Variants in FBLN1 observed in about 807,000 individuals in gnomAD.
The protein encoded by FBLN1 is fibulin 1, also known as fibulin-1.
FBLN1 carries 34 observed loss-of-function variants against 89.7 expected under a neutral mutation model. That is an observed-to-expected ratio of 0.38 (90% CI 0.29 to 0.50). FBLN1 has a LOEUF of 0.50. FBLN1 is among the 20% of genes least tolerant of loss of function. FBLN1 has a pLI of 0.92. For synonymous variants in FBLN1, 393 were observed against 391.3 expected (o/e 1.00, Z -0.05); for missense variants, 777 against 988.1 (o/e 0.79, Z 2.86).
In FBLN1 at chr22:45,563,535, C is replaced by T. The variant is rs1441608728; in HGVS notation, c.1698-10976C>T. Among the ~76,000 whole-genome samples, 5 of 152,288 alleles carry T rather than the reference C, an allele frequency of 3.3e-5. 1 individual carries two copies. In the South Asian group the frequency reaches 8.3e-4, roughly 25 times the overall value. On this transcript the variant is annotated intron_variant, in intron 14 of 16. Transcript: ENST00000327858. The surrounding 1 kb of genome is among the most constrained non-coding windows in gnomAD (Gnocchi z 5.7). ...TGTTCACAGAGCCCACTGTCTGTGC[C>T]GACAGGGAGGCCAGGCCGGGTACAT...
intron 1 of FBLN1, among the ~76,000 whole-genome samples, chr22:45,517,913 G>A (rs979795138): frequency 2.0e-5 from 3 of 152,006 alleles, no homozygotes; most frequent in Non-Finnish European, 2.9e-5. Flanking sequence ...GGCCAATCAC[G>A]CAAGTTCAGG....
At chr22:45,547,026 C>T in intron 11 of FBLN1, 59 bp from the exon 12 acceptor site, 1 of 1,612,260 alleles carries the variant, frequency 6.2e-7, no homozygotes, top group South Asian at 1.1e-5. Context: ...ACCCTGAGGG[C>T]TACTGTGGAG....
chr22:45,568,635 GC>G (rs2088922873), intron 14 of FBLN1, among the ~76,000 whole-genome samples: 1 of 104,648 alleles, frequency 9.6e-6, no homozygotes, highest in African/African-American at 3.9e-5. Flanking sequence ...GTAAGGGAAT[GC>G]CTCTTCTGTG....
rs894244078 is a variant in FBLN1, at chr22:45,531,701, C to T, written c.544+377C>T. Among the ~76,000 whole-genome samples the T allele has an allele frequency of 1.3e-5, 2 of 152,234 alleles. No individual in the cohort carries two copies. The highest frequency in any genetic ancestry group is 4.8e-5 in the African/African-American group (2 of 41,476). On this transcript the variant is annotated intron_variant, in intron 5 of 16. Coordinates refer to ENST00000327858, the MANE Select transcript of FBLN1 (RefSeq NM_006486.3). The surrounding 1 kb of genome is among the most constrained non-coding windows in gnomAD (Gnocchi z 4.9). ...CTCCCAGCTCCTCCTTCCCTTTCCCCTTCCAGATCTAGGGCTGGCTGGGGA... is the reference window on the plus strand; with the variant it reads ...CTCCCAGCTCCTCCTTCCCTTTCCCTTTCCAGATCTAGGGCTGGCTGGGGA...
chr22:45,586,258 A>G (rs73444988), intron 16 of FBLN1, among the ~76,000 whole-genome samples: 8,500 of 152,284 alleles, frequency 0.056, 768 homozygotes, highest in African/African-American at 0.19. Flanking sequence ...TTTCCAGCCC[A>G]GGACCTGGCT....
At chr22:45,524,770 A>G (rs890184181) in intron 2 of FBLN1, among the ~76,000 whole-genome samples, 2 of 152,132 alleles carry the variant, frequency 1.3e-5, no homozygotes, top group Admixed American at 6.6e-5. Context: ...CAGACACCAT[A>G]CTACATTCTG....
chr22:45,530,669 T>C lies in FBLN1; in HGVS notation c.485-596T>C, dbSNP rs2088393088. ...GGTTGTTAGCAAGGCTGTGACTGCA[T>C]TTGCTGAGATGGTCAAGTAATTTGG... On this transcript the variant is annotated intron_variant, in intron 4 of 16. Coordinates refer to ENST00000327858, the MANE Select transcript of FBLN1 (RefSeq NM_006486.3). The surrounding 1 kb of genome is among the most constrained non-coding windows in gnomAD (Gnocchi z 5.4). Among the ~76,000 whole-genome samples the C allele has an allele frequency of 6.6e-6, 1 of 152,214 alleles. No homozygotes were observed. The highest frequency in any genetic ancestry group is 1.5e-5 in the Non-Finnish European group (1 of 68,030).
chr22:45,600,247 A>T, intron 16 of FBLN1, 60 bp from the exon 17 acceptor site: 1 of 1,609,002 alleles, frequency 6.2e-7, no homozygotes, highest in South Asian at 1.1e-5. Context: ...ACCATTTCCC[A>T]GATCTCTACG....
In FBLN1 at chr22:45,569,450, T is replaced by G. The variant is rs934715758; in HGVS notation, c.1698-5061T>G. On this transcript the variant is annotated intron_variant, in intron 14 of 16. Coordinates refer to ENST00000327858, the MANE Select transcript of FBLN1 (RefSeq NM_006486.3). ...GGTCAAGAGTTCGAGACCAGCCTGG[T>G]CCACATGGTGAAACCACACCTCTAC... Among the ~76,000 whole-genome samples, 3 of 151,962 alleles carry G rather than the reference T, an allele frequency of 2.0e-5. No homozygotes were observed. The East Asian group carries it at 5.8e-4, about 29-fold the overall frequency.
At chr22:45,518,097 A>G (rs1276596354) in intron 1 of FBLN1, among the ~76,000 whole-genome samples, 2 of 141,226 alleles carry the variant, frequency 1.4e-5, no homozygotes, top group East Asian at 2.1e-4. Flanking sequence ...GCGCCATTGC[A>G]CTCCAGCCTG....
chr22:45,513,509 C>T (rs1003952153), intron 1 of FBLN1, among the ~76,000 whole-genome samples: 5 of 151,608 alleles, frequency 3.3e-5, no homozygotes, highest in African/African-American at 9.7e-5. Context: ...CCACTGCGCC[C>T]GGCCCATTTT....
rs553822058 is a variant in FBLN1 at position 45,512,605 on chromosome 22, C to A, written c.80-6077C>A. ...CTGGTGTTTGGATATCCACAGGTGA[C>A]CGGATCCCCAGGCAAATGAGCAGCT... is the stretch of plus-strand genomic sequence containing the variant. On this transcript the variant is annotated intron_variant, in intron 1 of 16. Coordinates refer to ENST00000327858, the MANE Select transcript of FBLN1 (RefSeq NM_006486.3). Among the ~76,000 whole-genome samples, 25 of 152,246 alleles carry A rather than the reference C, an allele frequency of 1.6e-4. No individual in the cohort carries two copies. In the Middle Eastern group the frequency reaches 0.017, roughly 104 times the overall value.
intron 3 of FBLN1, among the ~76,000 whole-genome samples, chr22:45,526,725 G>A (rs2088333837): frequency 6.6e-6 from 1 of 152,242 alleles, no homozygotes; most frequent in Admixed American, 6.5e-5. Context: ...CTTGGCCTGT[G>A]TGGGCTTTCA....
intron 14 of FBLN1, among the ~76,000 whole-genome samples, chr22:45,553,401 G>A (rs899044343): frequency 6.6e-6 from 1 of 152,202 alleles, no homozygotes; most frequent in African/African-American, 2.4e-5. Context: ...GGGACGGGGC[G>A]GGCTCGCCTA....
chr22:45,506,897 T>C (rs2088028901), intron 1 of FBLN1, among the ~76,000 whole-genome samples: 1 of 152,238 alleles, frequency 6.6e-6, no homozygotes, highest in South Asian at 2.1e-4. Context: ...CATGTAGTTA[T>C]TTTGCCAGCA....
chr22:45,542,940 C>G (rs1278273944), intron 10 of FBLN1, among the ~76,000 whole-genome samples: 1 of 152,230 alleles, frequency 6.6e-6, no homozygotes, highest in Non-Finnish European at 1.5e-5. Context: ...CCCGCATGCT[C>G]GGGACAAGTC....
chr22:45,569,610 G>T lies in FBLN1; in HGVS notation c.1698-4901G>T, dbSNP rs911090602. ...GCCGAGATCATGCCACTGTACTCCA[G>T]CCTGGGTGACAGGGCAAGACTCTGT... On this transcript the variant is annotated intron_variant, in intron 14 of 16. Coordinates refer to ENST00000327858, the MANE Select transcript of FBLN1 (RefSeq NM_006486.3). 2.6e-5 allele frequency among the ~76,000 whole-genome samples: 4 copies of T among 151,966 alleles called. No homozygotes were observed. The South Asian group carries it at 8.3e-4, about 31-fold the overall frequency.
At chr22:45,585,896 T>C (rs1601540201) in intron 16 of FBLN1, among the ~76,000 whole-genome samples, 1 of 152,146 alleles carries the variant, frequency 6.6e-6, no homozygotes, top group South Asian at 2.1e-4. Flanking sequence ...CAGCTGCTGT[T>C]ATCCCTCCTT....
intron 14 of FBLN1, among the ~76,000 whole-genome samples, chr22:45,573,224 C>CAAATAAAT (rs531457672): frequency 1.3e-5 from 2 of 150,838 alleles, no homozygotes; most frequent in African/African-American, 2.4e-5. Flanking sequence ...AACTCCGTCT[C>CAAATAAAT]AAATAAATAA....
Sources: allele counts gnomAD v4.1 joint callset (sites outside exome capture counted in the v4.1 genomes callset), GRCh38; gene constraint gnomAD v4.1.1; non-coding constraint Gnocchi (gnomAD v3.1); transcripts MANE v1.5; gene names NCBI Gene and HGNC (gene_info 2026-07-23, HGNC 2026-07-21).